The following SCNN1G variants were observed in gnomAD, a reference collection of about 807,000 sequenced individuals.
SCNN1G encodes the protein sodium channel epithelial 1 subunit gamma, also known as epithelial sodium channel subunit gamma.
Under a neutral mutation model 64.6 loss-of-function variants are expected in SCNN1G, and 27 were observed. That is an observed-to-expected ratio of 0.42 (90% confidence interval 0.31 to 0.58). The LOEUF (loss-of-function observed/expected upper bound fraction) is 0.58, where lower values mean the gene tolerates loss of function less well. Among genes scored for constraint, SCNN1G ranks in the 20% least tolerant of loss-of-function variants. The pLI is 0.18. For missense variants in SCNN1G, 743 were observed against 823.4 expected, an observed-to-expected ratio of 0.90 and a Z score of 1.19; for synonymous variants, 330 against 314.2, an observed-to-expected ratio of 1.05 and a Z score of -0.53.
At chr16:23,204,316 T>TATATATAC (rs1567267065) in intron 6 of SCNN1G, among the ~76,000 whole-genome samples, 1 of 82,700 alleles carries the variant, frequency 1.2e-5, no homozygotes, top group African/African-American at 4.5e-5. Flanking sequence ...TATATATATA[T>TATATATAC]ATATATATAT....
intron 5 of SCNN1G, chr16:23,194,785 G>A (rs1959770243): frequency 5.5e-6 from 1 of 180,682 alleles, no homozygotes; most frequent in Non-Finnish European, 1.2e-5. Flanking sequence ...ATTACTGACA[G>A]GACTTAAGAT....
At chr16:23,190,067 T>A (rs1446737796) in intron 3 of SCNN1G, among the ~76,000 whole-genome samples, 1 of 146,282 alleles carries the variant, frequency 6.8e-6, no homozygotes, top group Non-Finnish European at 1.5e-5. Flanking sequence ...GAGACTCTGT[T>A]AAAAAAAAAA....
chr16:23,213,084 T>A lies in SCNN1G; in HGVS notation c.1432-18T>A, dbSNP rs766686925. ...CTCTCAGGCACCCTCAGGCCCACGC[T>A]TTCTCTCTCCGTTGTAGAAGTGGTT... On this transcript the variant is annotated intron_variant, in intron 10 of 12. Transcript: ENST00000300061. The A allele has an allele frequency of 1.9e-6, 3 of 1,613,048 alleles. No homozygotes were observed. The South Asian group carries it at 3.3e-5, about 18-fold the overall frequency.
chr16:23,194,982 G>A (rs1334866837), intron 5 of SCNN1G: 2 of 152,546 alleles, frequency 1.3e-5, no homozygotes, highest in South Asian at 2.1e-4. Context: ...GTTGCAGAAG[G>A]CTGGCTGTCT....
At chr16:23,195,865 ACT>A in intron 5 of SCNN1G, 1 of 152,284 alleles carries the variant, frequency 6.6e-6, no homozygotes, top group Non-Finnish European at 1.5e-5. Flanking sequence ...TGTCAGAATA[ACT>A]CTCAAAATTC....
Position 23,186,599 on chromosome 16 carries a change from T to C in SCNN1G, c.317+11T>C, listed in dbSNP as rs1314758425. The C allele has an allele frequency of 1.2e-6, 2 of 1,609,764 alleles. No homozygotes were observed. The highest frequency in any genetic ancestry group is 1.7e-6 in the Non-Finnish European group (2 of 1,179,272). On this transcript the variant is annotated intron_variant, in intron 2 of 12. Coordinates refer to ENST00000300061, the MANE Select transcript of SCNN1G (RefSeq NM_001039.4). The stretch of plus-strand genomic sequence containing the variant: ...CATCAACCCCTACAAGTAAGAGGCA[T>C]GAGCAGGGAAACGCGAGTAGGGAGC...
chr16:23,199,532 C>A (rs1402905410), intron 6 of SCNN1G, among the ~76,000 whole-genome samples: 1 of 152,112 alleles, frequency 6.6e-6, no homozygotes, highest in Non-Finnish European at 1.5e-5. Flanking sequence ...ATGAGAGTAG[C>A]TATTTCCCCA....
At position 23,189,602 on chromosome 16, in the gene SCNN1G, C is replaced by A; in HGVS notation, c.549C>A (p.Gly183=). The A allele has an allele frequency of 2.5e-6, 4 of 1,614,122 alleles. No homozygotes were observed. The highest frequency in any genetic ancestry group is 3.4e-6 in the Non-Finnish European group (4 of 1,180,006). ...DFFTGRKRKV[G]GSIIHKASNV... is the part of the protein sequence containing the mutation. ...TCACAGGGAGGAAGCGGAAAGTCGGCGGTAGCATCATTCACAAGGCTTCAA... is the reference window on the plus strand; with the variant it reads ...TCACAGGGAGGAAGCGGAAAGTCGGAGGTAGCATCATTCACAAGGCTTCAA... The change falls in exon 3 of 13, where the codon GGC becomes GGA. Residue 183 remains glycine (G), a synonymous_variant. Transcript: ENST00000300061.
At chr16:23,211,987 A>C in intron 7 of SCNN1G, 47 bp from the exon 8 acceptor site, 1 of 1,376,210 alleles carries the variant, frequency 7.3e-7, no homozygotes. Context: ...ACTCCCTGAC[A>C]TCCCTGAGCA....
Position 23,186,409 on chromosome 16 carries a change from G to A in SCNN1G, c.138G>A (p.Val46=). Residue 46 remains valine (V), a synonymous_variant, in exon 2 of 13, where the codon GTG becomes GTA. Coordinates refer to ENST00000300061, the MANE Select transcript of SCNN1G (RefSeq NM_001039.4). ...CCCATGGCTGTCGCCGCATCGTGGT[G>A]TCCCGCGGCCGTCTGCGCCGCCTCC... The part of the protein sequence containing the change: ...TNTHGCRRIV[V]SRGRLRRLLW... 1 of 1,614,240 alleles carries A rather than the reference G, an allele frequency of 6.2e-7. No homozygotes were observed. Among genetic ancestry groups the A allele is most frequent in the South Asian group, 1.1e-5 (1 of 91,088 alleles).
At chr16:23,199,687 T>G (rs1230172736) in intron 6 of SCNN1G, among the ~76,000 whole-genome samples, 2 of 136,220 alleles carry the variant, frequency 1.5e-5, no homozygotes, top group African/African-American at 5.9e-5. Flanking sequence ...TTTTTTTTTT[T>G]TTGAGACAGA....
chr16:23,202,264 GTGGATGGATGGA>G (rs766730532), intron 6 of SCNN1G, among the ~76,000 whole-genome samples: 54 of 98,718 alleles, frequency 5.5e-4, no homozygotes, highest in South Asian at 2.4e-3. Context: ...GGGTGGGTGG[GTGGATGGATGGA>G]TGGATGGATG....
At chr16:23,214,897 G>A in intron 12 of SCNN1G, 110 bp downstream of exon 12, 1 of 1,092,316 alleles carries the variant, frequency 9.2e-7, no homozygotes, top group Non-Finnish European at 1.4e-6. Context: ...ACTCTAGGAG[G>A]GCTGTTGTAG....
chr16:23,184,618 TCACCTCCATGCCCAG>T (rs1479806146), intron 1 of SCNN1G, among the ~76,000 whole-genome samples: 1 of 152,158 alleles, frequency 6.6e-6, no homozygotes, highest in Non-Finnish European at 1.5e-5. Context: ...TCTGGACATC[TCACCTCCATGCCCAG>T]CACTCCATTT....
intron 3 of SCNN1G, among the ~76,000 whole-genome samples, chr16:23,189,941 A>G (rs1034489564): frequency 3.3e-5 from 5 of 152,148 alleles, no homozygotes; most frequent in Admixed American, 1.3e-4. Flanking sequence ...ATGGTGGCAC[A>G]TGCCTGTAAT....
At chr16:23,211,354 G>A (rs11649420) in intron 7 of SCNN1G, among the ~76,000 whole-genome samples, 32,248 of 152,136 alleles carry the variant, frequency 0.21, 3,537 homozygotes, top group African/African-American at 0.25. Context: ...GAGGGGTTGG[G>A]CTTGAGAATA....
At chr16:23,192,301 G>T (rs760419092) in intron 3 of SCNN1G, 51 bp from the exon 4 acceptor site, 3 of 1,400,818 alleles carry the variant, frequency 2.1e-6, no homozygotes, top group Non-Finnish European at 2.0e-6. Context: ...TCCTTCTGAA[G>T]AGTAGCGATA....
chr16:23,212,706 C>A lies in SCNN1G; in HGVS notation c.1323C>A (p.Ala441=), dbSNP rs779290497. 1 of 1,614,186 alleles carries A rather than the reference C, an allele frequency of 6.2e-7. No individual in the cohort carries two copies. Among genetic ancestry groups the A allele is most frequent in the Non-Finnish European group, 8.5e-7 (1 of 1,180,026 alleles). The part of the protein sequence containing the change: ...WMYCYYQLHR[A]FVQEELGCQS... Reference sequence around the variant, plus strand: ...ATTGTTACTACCAACTGCATCGAGCCTTTGTCCAGGAAGAGCTGGGCTGCC... The same window carrying A: ...ATTGTTACTACCAACTGCATCGAGCATTTGTCCAGGAAGAGCTGGGCTGCC... Residue 441 remains alanine, a synonymous_variant, in exon 9 of 13, where the codon GCC becomes GCA. Coordinates refer to ENST00000300061, the MANE Select transcript of SCNN1G (RefSeq NM_001039.4).
intron 6 of SCNN1G, among the ~76,000 whole-genome samples, chr16:23,204,878 TG>T (rs1169154821): frequency 1.3e-5 from 2 of 151,998 alleles, no homozygotes; most frequent in Non-Finnish European, 2.9e-5. Flanking sequence ...GAGGCCAAAG[TG>T]GGAGCTTACT....
Sources: gnomAD v4.1 joint callset for allele counts (sites outside exome capture counted in the v4.1 genomes callset) on GRCh38, gnomAD v4.1.1 for gene constraint, MANE v1.5 for transcripts, NCBI Gene and HGNC (gene_info 2026-07-23, HGNC 2026-07-21) for gene names.